Variants in TOX observed in about 807,000 individuals in gnomAD.
TOX encodes the protein thymocyte selection-associated high mobility group box protein TOX.
In TOX, 11 loss-of-function variants were observed where a neutral mutation model predicts 53.7. That is an observed-to-expected ratio of 0.20 (90% CI 0.13 to 0.34). The LOEUF (loss-of-function observed/expected upper bound fraction) is 0.34. TOX is among the 10% of genes least tolerant of loss of function. The pLI is 1.00. For synonymous variants in TOX, 225 were observed against 245.3 expected (o/e 0.92, Z 0.77); for missense variants, 570 against 664.6 (o/e 0.86, Z 1.56).
intron 1 of TOX, among the ~76,000 whole-genome samples, chr8:58,964,078 C>T (rs1055243327): frequency 2.0e-5 from 3 of 151,870 alleles, no homozygotes; most frequent in Non-Finnish European, 4.4e-5. Flanking sequence ...AAGAGAACAA[C>T]AACGACAACA....
intron 1 of TOX, among the ~76,000 whole-genome samples, chr8:59,069,618 T>G (rs1261696611): frequency 6.6e-6 from 1 of 152,174 alleles, no homozygotes; most frequent in Non-Finnish European, 1.5e-5. Context: ...ATGATGGCTC[T>G]TAACCACACC....
chr8:58,853,560 A>G (rs1245204131), intron 3 of TOX, among the ~76,000 whole-genome samples: 1 of 152,214 alleles, frequency 6.6e-6, no homozygotes, highest in Non-Finnish European at 1.5e-5. Context: ...CCAAAACCAA[A>G]GATAAAACCC....
At chr8:59,000,909 T>C (rs1813677958) in intron 1 of TOX, among the ~76,000 whole-genome samples, 1 of 152,134 alleles carries the variant, frequency 6.6e-6, no homozygotes, top group Non-Finnish European at 1.5e-5. Context: ...AGCCAGGCAA[T>C]TCAGTTATGA....
At chr8:58,826,765 C>T in intron 6 of TOX, 57 bp downstream of exon 6, 1 of 1,479,010 alleles carries the variant, frequency 6.8e-7, no homozygotes, top group Middle Eastern at 1.8e-4. Flanking sequence ...AAGTGACTAT[C>T]AAAGTCTGCG....
At chr8:58,920,809 A>C (rs1812059763) in intron 3 of TOX, among the ~76,000 whole-genome samples, 1 of 148,734 alleles carries the variant, frequency 6.7e-6, no homozygotes, top group Non-Finnish European at 1.5e-5. Flanking sequence ...CTCTGTGAGG[A>C]GTTACTTCTT....
intron 3 of TOX, among the ~76,000 whole-genome samples, chr8:58,912,565 G>T (rs1003445509): frequency 7.9e-5 from 12 of 152,202 alleles, no homozygotes; most frequent in African/African-American, 2.7e-4. Context: ...TCAACTGGGG[G>T]TCCCAACAAC....
chr8:58,921,723 C>A (rs1812079785), intron 3 of TOX, among the ~76,000 whole-genome samples: 1 of 152,236 alleles, frequency 6.6e-6, no homozygotes, highest in East Asian at 1.9e-4. Flanking sequence ...CCAGATCTTA[C>A]TAAAACCCAC....
intron 1 of TOX, among the ~76,000 whole-genome samples, chr8:59,099,105 G>A (rs1804762436): frequency 6.6e-6 from 1 of 152,164 alleles, no homozygotes; most frequent in South Asian, 2.1e-4. Context: ...CTTGGTGTCT[G>A]TAATAGAGAT....
intron 1 of TOX, among the ~76,000 whole-genome samples, chr8:59,074,898 A>G (rs190020234): frequency 6.6e-6 from 1 of 152,330 alleles, no homozygotes; most frequent in African/African-American, 2.4e-5. Context: ...GGCAGCCACT[A>G]GAGGAATGGG....
intron 7 of TOX, chr8:58,814,507 T>A (rs1025215821): frequency 2.0e-5 from 3 of 152,202 alleles, no homozygotes; most frequent in Admixed American, 1.3e-4. Flanking sequence ...AATAATCACA[T>A]CTCAGATAAA....
chr8:58,934,039 C>G (rs1812304285), intron 3 of TOX, among the ~76,000 whole-genome samples: 1 of 152,100 alleles, frequency 6.6e-6, no homozygotes. Context: ...TACTCACTAT[C>G]AAAATAACTC....
At chr8:58,825,294 T>C (rs572643549) in intron 6 of TOX, among the ~76,000 whole-genome samples, 2 of 152,290 alleles carry the variant, frequency 1.3e-5, no homozygotes, top group Admixed American at 1.3e-4. Context: ...TCCAGCAAAA[T>C]TTCTACTGCC....
chr8:58,913,876 CAA>C (rs1414558817), intron 3 of TOX, among the ~76,000 whole-genome samples: 2 of 151,866 alleles, frequency 1.3e-5, no homozygotes, highest in Non-Finnish European at 2.9e-5. Flanking sequence ...GAGTTTTGCT[CAA>C]AGTTAGCTTT....
chr8:59,077,488 T>C (rs73256339), intron 1 of TOX, among the ~76,000 whole-genome samples: 1 of 152,140 alleles, frequency 6.6e-6, no homozygotes, highest in Admixed American at 6.5e-5. Context: ...TACCCAGGAA[T>C]GTGTGTCTCG....
chr8:59,003,149 T>C (rs1269450618), intron 1 of TOX, among the ~76,000 whole-genome samples: 1 of 152,238 alleles, frequency 6.6e-6, no homozygotes, highest in Non-Finnish European at 1.5e-5. Flanking sequence ...AAACTATTTT[T>C]ACACATTGAC....
chr8:58,807,850 G>GA, intron 8 of TOX, 67 bp from the exon 9 acceptor site: 2 of 1,585,424 alleles, frequency 1.3e-6, no homozygotes, highest in South Asian at 2.2e-5. Context: ...ACAATGGGGG[G>GA]ATGGATGTCT....
chr8:58,996,115 T>A (rs1470427291), intron 1 of TOX, among the ~76,000 whole-genome samples: 1 of 152,204 alleles, frequency 6.6e-6, no homozygotes, highest in East Asian at 1.9e-4. Flanking sequence ...CTCTTTTTAG[T>A]CCTGGAGAAT....
chr8:58,850,620 G>C (rs1417793632), intron 4 of TOX, among the ~76,000 whole-genome samples: 2 of 152,184 alleles, frequency 1.3e-5, no homozygotes, highest in Non-Finnish European at 2.9e-5. Flanking sequence ...GGGGCTAGCA[G>C]AGTGTCGTCT....
At chr8:58,990,971 C>G (rs1813433732) in intron 1 of TOX, among the ~76,000 whole-genome samples, 1 of 152,220 alleles carries the variant, frequency 6.6e-6, no homozygotes, top group South Asian at 2.1e-4. Context: ...GTATTGAGCA[C>G]TTACAAAATT....
Sources: gnomAD v4.1 joint callset for allele counts (sites outside exome capture counted in the v4.1 genomes callset) on GRCh38, gnomAD v4.1.1 for gene constraint, MANE v1.5 for transcripts, NCBI Gene and HGNC (gene_info 2026-07-23, HGNC 2026-07-21) for gene names.